Variants in GALNT17 observed in about 807,000 individuals in gnomAD.
The protein encoded by GALNT17 is UDP-GalNAc:polypeptide N-acetylgalactosaminyltransferase-like 3.
A neutral mutation model predicts 63.7 loss-of-function variants in GALNT17; 29 were observed. That is an observed-to-expected ratio of 0.46 (90% CI 0.34 to 0.62). The LOEUF (loss-of-function observed/expected upper bound fraction) is 0.62, where lower values mean the gene tolerates loss of function less well. GALNT17 is among the 20% of genes least tolerant of loss of function. The pLI is 0.01. For synonymous variants in GALNT17, 305 were observed against 318.3 expected, an observed-to-expected ratio of 0.96 and a Z score of 0.45; for missense variants, 603 against 799.6, an observed-to-expected ratio of 0.75 and a Z score of 2.97.
chr7:71,165,446 C>T (rs775030883), intron 1 of GALNT17, among the ~76,000 whole-genome samples: 2 of 149,772 alleles, frequency 1.3e-5, no homozygotes, highest in Admixed American at 6.8e-5. Flanking sequence ...GTGAAAGGCA[C>T]GTTTCACATG....
chr7:71,381,163 T>C (rs1792839332), intron 2 of GALNT17, among the ~76,000 whole-genome samples: 1 of 151,912 alleles, frequency 6.6e-6, no homozygotes, highest in African/African-American at 2.4e-5. Flanking sequence ...GATTTCACCA[T>C]GTTGGCCAGA....
chr7:71,277,784 A>G (rs1790708790), intron 1 of GALNT17, among the ~76,000 whole-genome samples: 1 of 152,192 alleles, frequency 6.6e-6, no homozygotes. Flanking sequence ...TGATTATTGC[A>G]GTCTTTTTCA....
At position 71,420,948 on chromosome 7, in the gene GALNT17, C is replaced by T. The variant is rs781199608; in HGVS notation, c.805C>T (p.Arg269Cys). The change falls in exon 5 of 11, where the codon CGT becomes TGT. Residue 269 changes from arginine (R) to cysteine (C), a missense_variant. Transcript: ENST00000333538. ...VLSRIQENRK[R>C]VILPSIDNIK... ...ATCCCGCATCCAGGAAAACCGGAAG[C>T]GTGTGATCCTCCCCTCCATTGACAA... The T allele has an allele frequency of 7.4e-6, 12 of 1,614,134 alleles. No homozygotes were observed. The highest frequency in any genetic ancestry group is 6.7e-5 in the East Asian group (3 of 44,876).
chr7:71,339,187 G>A (rs1403098199), intron 2 of GALNT17, among the ~76,000 whole-genome samples: 1 of 152,218 alleles, frequency 6.6e-6, no homozygotes. Context: ...GAGCCAGATA[G>A]TTTTCTCCCC....
At chr7:71,458,785 G>A (rs1306123903) in intron 5 of GALNT17, among the ~76,000 whole-genome samples, 1 of 152,148 alleles carries the variant, frequency 6.6e-6, no homozygotes, top group Admixed American at 6.5e-5. Flanking sequence ...TCCTCTCCAT[G>A]TTCAGACGCT....
At chr7:71,237,677 C>T (rs1015900205) in intron 1 of GALNT17, among the ~76,000 whole-genome samples, 22 of 152,020 alleles carry the variant, frequency 1.4e-4, no homozygotes, top group African/African-American at 4.3e-4. Context: ...AGAGTGATAC[C>T]CTTTCTCAAA....
At chr7:71,398,683 G>A (rs1318136998) in intron 3 of GALNT17, among the ~76,000 whole-genome samples, 1 of 152,172 alleles carries the variant, frequency 6.6e-6, no homozygotes, top group Non-Finnish European at 1.5e-5. Context: ...GGGCTGGGTG[G>A]AGGGGGAATG....
intron 5 of GALNT17, among the ~76,000 whole-genome samples, chr7:71,542,956 A>G (rs1788918181): frequency 1.3e-5 from 2 of 151,856 alleles, no homozygotes; most frequent in African/African-American, 4.8e-5. Context: ...GTAAGACTGT[A>G]GAAATCAAAC....
intron 1 of GALNT17, among the ~76,000 whole-genome samples, chr7:71,160,152 GAAAAT>G (rs752312756): frequency 7.0e-4 from 107 of 152,200 alleles, no homozygotes; most frequent in Non-Finnish European, 1.3e-3. Flanking sequence ...ATGGAAATGA[GAAAAT>G]AAATTTATCG....
rs1018815763 is a variant in GALNT17, at chr7:71,184,849, T to C, written c.238+51809T>C. ...TAAATGATGGAGTTTTAGGGCAGTG[T>C]ATAAGACTTCTGGATGTGGAGGCAG... is the stretch of plus-strand genomic sequence containing the variant. On this transcript the variant is annotated intron_variant, in intron 1 of 10. Transcript: ENST00000333538. Among the ~76,000 whole-genome samples the C allele has an allele frequency of 2.6e-5, 4 of 152,266 alleles. No individual in the cohort carries two copies. The East Asian group carries it at 7.7e-4, about 29-fold the overall frequency.
intron 2 of GALNT17, among the ~76,000 whole-genome samples, chr7:71,357,829 C>T (rs778298575): frequency 3.3e-5 from 5 of 152,118 alleles, no homozygotes; most frequent in Non-Finnish European, 7.4e-5. Context: ...CTGTAGCTAG[C>T]ATCAGGATTA....
chr7:71,665,666 A>T (rs1790974881), intron 7 of GALNT17, 70 bp downstream of exon 7: 2 of 1,510,490 alleles, frequency 1.3e-6, no homozygotes, highest in Non-Finnish European at 1.8e-6. Context: ...TATTTATTTA[A>T]TAAACCAATC....
intron 6 of GALNT17, among the ~76,000 whole-genome samples, chr7:71,632,748 G>T (rs890099661): frequency 3.3e-5 from 5 of 152,078 alleles, no homozygotes; most frequent in African/African-American, 1.2e-4. Flanking sequence ...TTCAACTTCT[G>T]ACATTTTGCT....
intron 3 of GALNT17, among the ~76,000 whole-genome samples, chr7:71,415,456 A>G (rs932395620): frequency 3.3e-5 from 5 of 152,166 alleles, no homozygotes; most frequent in African/African-American, 7.2e-5. Flanking sequence ...TAGCATTTCT[A>G]CTACTGAGCA....
intron 3 of GALNT17, among the ~76,000 whole-genome samples, chr7:71,414,669 G>A (rs551231225): frequency 1.5e-4 from 23 of 152,278 alleles, no homozygotes; most frequent in Middle Eastern, 6.8e-3. Flanking sequence ...GAAGAGCCAC[G>A]ACTAAGTTGC....
At chr7:71,695,376 C>T (rs1791524325) in intron 9 of GALNT17, among the ~76,000 whole-genome samples, 1 of 152,160 alleles carries the variant, frequency 6.6e-6, no homozygotes, top group Non-Finnish European at 1.5e-5. Context: ...TTGAATCCAG[C>T]ATGATGAGTC....
rs142726944 is a variant in GALNT17 at position 71,302,676 on chromosome 7, A to G, written c.239-32874A>G. Among the ~76,000 whole-genome samples, 269 of 152,280 alleles carry G rather than the reference A, an allele frequency of 1.8e-3. 1 individual carries two copies. The highest frequency in any genetic ancestry group is 6.1e-3 in the African/African-American group (253 of 41,586). On this transcript the variant is annotated intron_variant, in intron 1 of 10. Coordinates refer to ENST00000333538, the MANE Select transcript of GALNT17 (RefSeq NM_022479.3). ...TGATGAAAGCTGGAAAGACTACTTT[A>G]CTGGGTCTTATTCATTATTTTCAGC...
chr7:71,340,745 A>G (rs1791992983), intron 2 of GALNT17, among the ~76,000 whole-genome samples: 1 of 152,178 alleles, frequency 6.6e-6, no homozygotes, highest in Admixed American at 6.5e-5. Flanking sequence ...TAAGATAATA[A>G]TCATAAGGCC....
chr7:71,617,616 TTTTG>T (rs199901403), intron 6 of GALNT17, among the ~76,000 whole-genome samples: 71,766 of 146,180 alleles, frequency 0.49, 17,907 homozygotes, highest in East Asian at 0.63. Flanking sequence ...AACTGGCTGC[TTTTG>T]TTTGTTTGTT....
Sources: allele counts gnomAD v4.1 joint callset (sites outside exome capture counted in the v4.1 genomes callset), GRCh38; gene constraint gnomAD v4.1.1; transcripts MANE v1.5; gene names NCBI Gene and HGNC (gene_info 2026-07-23, HGNC 2026-07-21).